Variants in LRP1B observed in about 807,000 individuals in gnomAD.
LRP1B encodes low-density lipoprotein receptor-related protein 1B.
In LRP1B, 217 loss-of-function variants were observed where a neutral mutation model predicts 556.6. That is an observed-to-expected ratio of 0.39 (90% CI 0.35 to 0.44). LRP1B has a LOEUF of 0.44. Ranked by LOEUF, LRP1B falls within the 20% of genes least tolerant of loss-of-function variation. The pLI, the probability that LRP1B is intolerant of heterozygous loss-of-function variation, is 1.00. For synonymous variants in LRP1B, 2,047 were observed against 1,865.8 expected (o/e 1.10, Z -2.50); for missense variants, 5,053 against 5,620.8 (o/e 0.90, Z 3.23).
intron 37 of LRP1B, among the ~76,000 whole-genome samples, chr2:140,703,676 A>G (rs115804127): frequency 4.6e-5 from 7 of 152,110 alleles, no homozygotes; most frequent in African/African-American, 1.7e-4. Flanking sequence ...AGTTCCCCCA[A>G]TCCCCAAGTA....
intron 85 of LRP1B, 38 bp from the exon 86 acceptor site, chr2:140,270,384 A>G: frequency 8.0e-7 from 1 of 1,247,558 alleles, no homozygotes. Context: ...TTTCATTGTT[A>G]TTGGCAACAT....
At chr2:141,352,186 C>T (rs1283375940) in intron 3 of LRP1B, among the ~76,000 whole-genome samples, 2 of 151,716 alleles carry the variant, frequency 1.3e-5, no homozygotes, top group Non-Finnish European at 2.9e-5. Context: ...GAGAGTAGAC[C>T]TTTGATCCAC....
chr2:140,780,760 G>T (rs972021957), intron 32 of LRP1B, among the ~76,000 whole-genome samples: 6 of 152,014 alleles, frequency 3.9e-5, no homozygotes, highest in South Asian at 2.1e-4. Context: ...CATCTCTATG[G>T]CAGGATAATA....
At chr2:142,100,855 G>T (rs1216062492) in intron 1 of LRP1B, among the ~76,000 whole-genome samples, 1 of 151,826 alleles carries the variant, frequency 6.6e-6, no homozygotes, top group East Asian at 1.9e-4. Flanking sequence ...TCTTTTAAGG[G>T]CTCCTTGTCC....
At chr2:140,645,100 C>A (rs955743282) in intron 41 of LRP1B, among the ~76,000 whole-genome samples, 2 of 152,058 alleles carry the variant, frequency 1.3e-5, no homozygotes, top group Non-Finnish European at 2.9e-5. Flanking sequence ...AATTTGCAGA[C>A]CTTATTTTAA....
intron 43 of LRP1B, among the ~76,000 whole-genome samples, chr2:140,546,011 T>TGC (rs1680323890): frequency 6.9e-6 from 1 of 144,686 alleles, no homozygotes; most frequent in South Asian, 2.1e-4. Flanking sequence ...TGTGTGTGTG[T>TGC]GTGTGTGTGT....
At chr2:142,115,771 A>ATAT (rs1707234056) in intron 1 of LRP1B, among the ~76,000 whole-genome samples, 1 of 9,620 alleles carries the variant, frequency 1.0e-4, no homozygotes, top group African/African-American at 2.9e-4. Context: ...AATATATATC[A>ATAT]TATATATGTA....
intron 35 of LRP1B, among the ~76,000 whole-genome samples, chr2:140,726,526 T>C (rs1472799562): frequency 6.6e-6 from 1 of 152,128 alleles, no homozygotes; most frequent in Admixed American, 6.6e-5. Flanking sequence ...AATTGAAAAA[T>C]GTGGGAGTGA....
chr2:140,447,000 G>A (rs1686687648), intron 63 of LRP1B, among the ~76,000 whole-genome samples: 2 of 151,952 alleles, frequency 1.3e-5, no homozygotes, highest in African/African-American at 4.8e-5. Context: ...AAAATGAGCT[G>A]AGGACTTGAA....
intron 7 of LRP1B, among the ~76,000 whole-genome samples, chr2:141,184,660 A>G (rs952045108): frequency 2.0e-5 from 3 of 150,100 alleles, no homozygotes; most frequent in Non-Finnish European, 4.4e-5. Flanking sequence ...AATAGCTCCT[A>G]TGTCACGTCA....
intron 49 of LRP1B, among the ~76,000 whole-genome samples, chr2:140,520,677 A>AT (rs1558939768): frequency 2.0e-5 from 3 of 151,090 alleles, no homozygotes; most frequent in South Asian, 2.1e-4. Context: ...TATATAATTA[A>AT]TTTTTTTAAT....
At chr2:140,613,463 C>T (rs1398816448) in intron 41 of LRP1B, among the ~76,000 whole-genome samples, 8 of 91,616 alleles carry the variant, frequency 8.7e-5, no homozygotes, top group African/African-American at 2.6e-4. Context: ...ATATCTCCTC[C>T]TACTTCCCAT....
intron 2 of LRP1B, among the ~76,000 whole-genome samples, chr2:141,531,838 G>A (rs543103149): frequency 2.1e-5 from 3 of 144,968 alleles, no homozygotes; most frequent in Non-Finnish European, 4.6e-5. Context: ...TTTTTGTAGG[G>A]GCATCCCACA....
intron 47 of LRP1B, among the ~76,000 whole-genome samples, chr2:140,527,253 T>C (rs1473728113): frequency 6.6e-6 from 1 of 151,958 alleles, no homozygotes; most frequent in African/African-American, 2.4e-5. Flanking sequence ...TGACATGCTA[T>C]GTATGTTAAA....
At chr2:141,680,099 G>A (rs1691049246) in intron 2 of LRP1B, among the ~76,000 whole-genome samples, 2 of 151,818 alleles carry the variant, frequency 1.3e-5, no homozygotes, top group Admixed American at 6.6e-5. Flanking sequence ...TGGGGAGGGT[G>A]GGCATATAGC....
At chr2:140,321,184 C>CT (rs1377340157) in intron 82 of LRP1B, among the ~76,000 whole-genome samples, 4 of 152,002 alleles carry the variant, frequency 2.6e-5, no homozygotes, top group Admixed American at 2.0e-4. Flanking sequence ...GTCAGTCTAG[C>CT]TGGATATTCA....
rs976954736 is a variant in LRP1B, at chr2:141,126,032, CTTTTA to C, written c.1013+62384_1013+62388del. 2.7e-5 allele frequency among the ~76,000 whole-genome samples: 3 copies of C among 111,172 alleles called. No individual in the cohort carries two copies. In the Admixed American group the frequency reaches 2.8e-4, roughly 10 times the overall value. 72.9% of individuals were successfully genotyped at this position (111,172 alleles called of 152,430 possible). Reference sequence around the variant, plus strand: ...CTCTCAATTGATAGCTACTTTCTTCCTTTTATTTTTTTTTTTTTGAGGCAGAGTCT... The same window carrying C: ...CTCTCAATTGATAGCTACTTTCTTCCTTTTTTTTTTTTTGAGGCAGAGTCT... On this transcript the variant is annotated intron_variant, in intron 7 of 90. Transcript: ENST00000389484.
chr2:141,942,498 A>G (rs1700838706), intron 1 of LRP1B, among the ~76,000 whole-genome samples: 1 of 150,796 alleles, frequency 6.6e-6, no homozygotes, highest in Non-Finnish European at 1.5e-5. Flanking sequence ...AAAACAAAAA[A>G]CAAAACAAAA....
intron 1 of LRP1B, among the ~76,000 whole-genome samples, chr2:142,062,464 T>C (rs978995070): frequency 1.3e-5 from 2 of 151,728 alleles, no homozygotes. Context: ...AAAAAGATGA[T>C]GAATGGGCTT....
Sources: allele counts gnomAD v4.1 joint callset (sites outside exome capture counted in the v4.1 genomes callset), GRCh38; gene constraint gnomAD v4.1.1; transcripts MANE v1.5; gene names NCBI Gene and HGNC (gene_info 2026-07-23, HGNC 2026-07-21).